ANKS1B: variants seen among roughly 807,000 people sequenced by gnomAD.
ANKS1B encodes the protein ankyrin repeat and sterile alpha motif domain-containing protein 1B.
In ANKS1B, 36 loss-of-function variants were observed where a neutral mutation model predicts 148.3. The ratio of observed to expected loss-of-function variants is 0.24; its 90% CI spans 0.19 to 0.32. The LOEUF is 0.32. Among genes scored for constraint, ANKS1B ranks in the 10% least tolerant of loss-of-function variants. The pLI is 1.00. For missense variants in ANKS1B, 1,157 were observed against 1,542.6 expected, an observed-to-expected ratio of 0.75 and a Z score of 4.19; for synonymous variants, 542 against 560.8, an observed-to-expected ratio of 0.97 and a Z score of 0.47.
At chr12:99,127,121 G>A (rs1221994683) in intron 15 of ANKS1B, among the ~76,000 whole-genome samples, 1 of 152,168 alleles carries the variant, frequency 6.6e-6, no homozygotes, top group Non-Finnish European at 1.5e-5. Context: ...GGCATCCTCA[G>A]TAAGCCCACA....
chr12:99,145,886 A>G (rs953091613), intron 15 of ANKS1B, among the ~76,000 whole-genome samples: 2 of 152,000 alleles, frequency 1.3e-5, no homozygotes, highest in African/African-American at 4.8e-5. Context: ...TTTATTTCTA[A>G]TTGTGAGTAT....
At chr12:99,335,904 A>G (rs2088739540) in intron 12 of ANKS1B, among the ~76,000 whole-genome samples, 1 of 152,054 alleles carries the variant, frequency 6.6e-6, no homozygotes, top group Non-Finnish European at 1.5e-5. Flanking sequence ...GGATCATATG[A>G]TAGTTCTAGT....
chr12:99,585,741 G>A (rs753802607), intron 9 of ANKS1B, among the ~76,000 whole-genome samples: 15 of 152,160 alleles, frequency 9.9e-5, no homozygotes, highest in South Asian at 2.1e-4. Flanking sequence ...CCAACACCAC[G>A]TGGAAGTTGC....
chr12:99,396,333 A>G (rs1414709335), intron 12 of ANKS1B, among the ~76,000 whole-genome samples: 1 of 152,174 alleles, frequency 6.6e-6, no homozygotes, highest in East Asian at 1.9e-4. Flanking sequence ...ATAACAAATT[A>G]AATATGTGTA....
At chr12:99,346,388 C>A (rs1234812848) in intron 12 of ANKS1B, among the ~76,000 whole-genome samples, 1 of 151,854 alleles carries the variant, frequency 6.6e-6, no homozygotes. Context: ...CACGCACACA[C>A]ACACACACAC....
At chr12:99,280,840 ATCTCTCTC>A (rs142595888) in intron 12 of ANKS1B, among the ~76,000 whole-genome samples, 176 of 144,530 alleles carry the variant, frequency 1.2e-3, no homozygotes, top group African/African-American at 4.2e-3. Flanking sequence ...CTTATAATAA[ATCTCTCTC>A]TCTCTCTCTC....
In ANKS1B at chr12:98,978,884, C is replaced by A. The variant is rs1195082083; in HGVS notation, c.2778+74273G>T. Among the ~76,000 whole-genome samples, 4 of 152,082 alleles carry A rather than the reference C, an allele frequency of 2.6e-5. No homozygotes were observed. In the East Asian group the frequency reaches 7.8e-4, roughly 29 times the overall value. On this transcript the variant is annotated intron_variant, in intron 17 of 26. Coordinates refer to ENST00000683438, the MANE Select transcript of ANKS1B (RefSeq NM_001352186.2). ...GAGGGCCGGGCGCGGTGGCTCACAC[C>A]TGTAATCCCAGCATTTTGGGAGGCC...
chr12:98,914,415 C>T (rs1256690603), intron 17 of ANKS1B, among the ~76,000 whole-genome samples: 1 of 152,184 alleles, frequency 6.6e-6, no homozygotes, highest in Non-Finnish European at 1.5e-5. Context: ...AACAGTCTAA[C>T]ACACTTTCAT....
intron 8 of ANKS1B, among the ~76,000 whole-genome samples, chr12:99,766,904 A>C (rs1382161820): frequency 1.3e-5 from 2 of 152,014 alleles, no homozygotes; most frequent in African/African-American, 2.4e-5. Context: ...CATTCCTGAT[A>C]ATAAGCTCTA....
chr12:99,475,679 C>A (rs1476960703), intron 10 of ANKS1B, among the ~76,000 whole-genome samples: 3 of 150,050 alleles, frequency 2.0e-5, no homozygotes, highest in East Asian at 2.0e-4. Flanking sequence ...AATAAATGAC[C>A]AAAATAACAA....
At chr12:99,433,787 A>G (rs7303478) in intron 11 of ANKS1B, among the ~76,000 whole-genome samples, 1 of 151,770 alleles carries the variant, frequency 6.6e-6, no homozygotes, top group African/African-American at 2.4e-5. Context: ...ATGAGAACAC[A>G]TGGGGAGTGA....
intron 1 of ANKS1B, among the ~76,000 whole-genome samples, chr12:99,906,657 C>A (rs537344949): frequency 6.6e-6 from 1 of 152,120 alleles, no homozygotes; most frequent in Admixed American, 6.5e-5. Context: ...TAATAATATC[C>A]GTATAATTAT....
intron 1 of ANKS1B, among the ~76,000 whole-genome samples, chr12:99,900,129 C>T (rs1344593707): frequency 6.6e-6 from 1 of 151,928 alleles, no homozygotes; most frequent in Non-Finnish European, 1.5e-5. Flanking sequence ...AAACTCCTGA[C>T]CTCAGGTGAT....
chr12:98,808,895 C>A (rs2099071785), intron 19 of ANKS1B, among the ~76,000 whole-genome samples: 2 of 152,166 alleles, frequency 1.3e-5, no homozygotes, highest in African/African-American at 4.8e-5. Context: ...GTACAAAGAT[C>A]ACTGCAGGAA....
intron 15 of ANKS1B, chr12:99,097,294 CATAACACCA>C (rs2056514867): frequency 1.3e-5 from 2 of 151,992 alleles, no homozygotes; most frequent in Non-Finnish European, 2.9e-5. Flanking sequence ...GCTGGTACAC[CATAACACCA>C]AAATGTTCTT....
intron 8 of ANKS1B, among the ~76,000 whole-genome samples, chr12:99,732,108 G>A (rs2059219160): frequency 6.6e-6 from 1 of 152,096 alleles, no homozygotes; most frequent in Non-Finnish European, 1.5e-5. Context: ...ACATAGGATT[G>A]CACTATTTAC....
At chr12:99,370,779 G>C (rs992945771) in intron 12 of ANKS1B, among the ~76,000 whole-genome samples, 1 of 152,102 alleles carries the variant, frequency 6.6e-6, no homozygotes. Context: ...TTTTAAAAAT[G>C]ACCATAATTT....
intron 9 of ANKS1B, among the ~76,000 whole-genome samples, chr12:99,569,753 C>T (rs548353283): frequency 6.6e-6 from 1 of 152,268 alleles, no homozygotes; most frequent in East Asian, 1.9e-4. Context: ...ATCAAAGAGC[C>T]CATCATCCCA....
intron 12 of ANKS1B, among the ~76,000 whole-genome samples, chr12:99,378,827 C>A (rs1359497709): frequency 6.6e-6 from 1 of 152,112 alleles, no homozygotes; most frequent in African/African-American, 2.4e-5. Context: ...AAGTAAGACT[C>A]CAGAGGGCAG....
Sources: gnomAD v4.1 joint callset for allele counts (sites outside exome capture counted in the v4.1 genomes callset) on GRCh38, gnomAD v4.1.1 for gene constraint, MANE v1.5 for transcripts, NCBI Gene and HGNC (gene_info 2026-07-23, HGNC 2026-07-21) for gene names.